The following AFF1 variants were observed in gnomAD, a reference collection of about 807,000 sequenced individuals.
AFF1 encodes AF4/FMR2 family member 1.
A neutral mutation model predicts 121.7 loss-of-function variants in AFF1; 48 were observed. That is an observed-to-expected ratio of 0.39 (90% CI 0.31 to 0.50). The LOEUF (loss-of-function observed/expected upper bound fraction) is 0.50. Among genes scored for constraint, AFF1 ranks in the 20% least tolerant of loss-of-function variants. AFF1 has a pLI of 0.76. For synonymous variants in AFF1, 613 were observed against 563.0 expected (o/e 1.09, Z -1.26); for missense variants, 1,523 against 1,511.7 (o/e 1.01, Z -0.12).
chr4:87,013,279 A>G (rs1319301210), intron 2 of AFF1, among the ~76,000 whole-genome samples: 1 of 151,820 alleles, frequency 6.6e-6, no homozygotes, highest in Non-Finnish European at 1.5e-5. Flanking sequence ...ACCTCAGGTG[A>G]TCCTCCCGCC....
intron 4 of AFF1, among the ~76,000 whole-genome samples, chr4:87,060,099 T>C (rs753289778): frequency 6.6e-6 from 1 of 152,234 alleles, no homozygotes; most frequent in Non-Finnish European, 1.5e-5. Flanking sequence ...CAATAATGTT[T>C]TTGAGAAATC....
At chr4:87,004,211 T>C (rs1436493915) in intron 2 of AFF1, among the ~76,000 whole-genome samples, 2 of 152,154 alleles carry the variant, frequency 1.3e-5, no homozygotes, top group Admixed American at 1.3e-4. Flanking sequence ...ATAGCTGTAA[T>C]ATATAACACC....
At chr4:87,054,039 G>A (rs1731516223) in intron 4 of AFF1, among the ~76,000 whole-genome samples, 1 of 152,226 alleles carries the variant, frequency 6.6e-6, no homozygotes. Flanking sequence ...GCCACACCAT[G>A]TGCAGAGACC....
At position 87,090,015 on chromosome 4, in the gene AFF1, C is replaced by T; in HGVS notation, c.1136C>T (p.Thr379Ile). Residue 379 changes from threonine (T) to isoleucine (I), a missense_variant, in exon 6 of 21, where the codon ACA (threonine) becomes ATA (isoleucine). By Grantham distance (89) the Thr-to-Ile change is moderately conservative. Coordinates refer to ENST00000395146, the MANE Select transcript of AFF1 (RefSeq NM_001166693.3). Reference protein sequence around the residue: ...EMTHSWPPPLTAIHTPSTAEP... With the variant: ...EMTHSWPPPLIAIHTPSTAEP... ...ACCCATTCATGGCCGCCTCCTTTGACAGCAATACATACGCCTAGTACAGCT... is the reference window on the plus strand; with the variant it reads ...ACCCATTCATGGCCGCCTCCTTTGATAGCAATACATACGCCTAGTACAGCT... 2 of 1,613,970 alleles carry T rather than the reference C, an allele frequency of 1.2e-6. No individual in the cohort carries two copies. Among genetic ancestry groups the T allele is most frequent in the Non-Finnish European group, 1.7e-6 (2 of 1,179,970 alleles).
chr4:86,971,152 A>G (rs1400988303), intron 2 of AFF1, among the ~76,000 whole-genome samples: 1 of 152,200 alleles, frequency 6.6e-6, no homozygotes, highest in African/African-American at 2.4e-5. Context: ...TTTCCCTCCC[A>G]TTTCACTAAT....
chr4:87,058,233 G>A (rs1044257200), intron 4 of AFF1, among the ~76,000 whole-genome samples: 12 of 152,068 alleles, frequency 7.9e-5, no homozygotes, highest in African/African-American at 2.4e-4. Flanking sequence ...TAGTTCCAGC[G>A]CTCCATCTGC....
chr4:86,940,412 G>C (rs758448033), intron 1 of AFF1, among the ~76,000 whole-genome samples: 1 of 152,150 alleles, frequency 6.6e-6, no homozygotes, highest in South Asian at 2.1e-4. Flanking sequence ...GGAATCCTGA[G>C]TTTTTATGAG....
At chr4:87,063,256 T>TTTTTTTTTGA (rs869168821) in intron 4 of AFF1, among the ~76,000 whole-genome samples, 6 of 134,618 alleles carry the variant, frequency 4.5e-5, no homozygotes, top group African/African-American at 1.4e-4. Context: ...TTTTTTTTTT[T>TTTTTTTTTGA]GAGACAGAGT....
At chr4:87,113,788 G>A (rs1057488317) in intron 11 of AFF1, among the ~76,000 whole-genome samples, 1 of 151,968 alleles carries the variant, frequency 6.6e-6, no homozygotes, top group Non-Finnish European at 1.5e-5. Context: ...ATCACTTGAG[G>A]CCAGGAGTTT....
At chr4:86,986,189 G>T (rs1319794406) in intron 2 of AFF1, among the ~76,000 whole-genome samples, 1 of 151,696 alleles carries the variant, frequency 6.6e-6, no homozygotes, top group Admixed American at 6.6e-5. Flanking sequence ...CTTGTGCCTC[G>T]ACCTCCCGAG....
chr4:86,955,461 T>A (rs1721669838), intron 2 of AFF1, among the ~76,000 whole-genome samples: 1 of 152,236 alleles, frequency 6.6e-6, no homozygotes, highest in Non-Finnish European at 1.5e-5. Context: ...CACTAACATG[T>A]TCCCCTTCTT....
chr4:87,075,261 T>G (rs1405585959), intron 4 of AFF1, among the ~76,000 whole-genome samples: 1 of 152,076 alleles, frequency 6.6e-6, no homozygotes, highest in Non-Finnish European at 1.5e-5. Context: ...CTTTAGTTGA[T>G]GAAAGATAAG....
intron 12 of AFF1, among the ~76,000 whole-genome samples, chr4:87,117,029 G>A (rs188579323): frequency 5.9e-5 from 9 of 152,238 alleles, no homozygotes; most frequent in Middle Eastern, 3.4e-3. Context: ...AGTGCTGACC[G>A]TCTGCATTAG....
chr4:87,022,577 T>TATAC lies in AFF1; in HGVS notation c.39-23586_39-23585insCATA, dbSNP rs1560547255. On this transcript the variant is annotated intron_variant, in intron 2 of 20. Coordinates refer to ENST00000395146, the MANE Select transcript of AFF1 (RefSeq NM_001166693.3). Reference sequence around the variant, plus strand: ...ATATATATATATATATATATATATATATATATCTATCTATATCTATCTGTG... The same window carrying TATAC: ...ATATATATATATATATATATATATATATACATATATCTATCTATATCTATCTGTG... Among the ~76,000 whole-genome samples the TATAC allele has an allele frequency of 1.5e-4, 13 of 88,556 alleles. 2 individuals carry two copies. Among genetic ancestry groups the TATAC allele is most frequent in the African/African-American group, 6.4e-4 (12 of 18,896 alleles). The allele number at this position is 88,556 out of a possible 152,430, so 58.1% of individuals were successfully genotyped here. A position where few individuals can be genotyped will look rare whatever the true frequency, so the allele number is the denominator to read the frequency against.
chr4:87,015,009 A>G (rs534319379), intron 2 of AFF1, among the ~76,000 whole-genome samples: 1 of 152,200 alleles, frequency 6.6e-6, no homozygotes, highest in Non-Finnish European at 1.5e-5. Flanking sequence ...AGCTTTGATA[A>G]AAGTTTGAGT....
At position 87,126,272 on chromosome 4, in the gene AFF1, ACT is replaced by A; in HGVS notation, c.2750_2751del (p.Ser917PhefsTer39). Reference sequence around the variant, plus strand: ...AGCAGTACCAAGAGCAACCACAAAGACTCTTCCATTCCCAAGCAGAGAAGAGT... The same window carrying A: ...AGCAGTACCAAGAGCAACCACAAAGACTTCCATTCCCAAGCAGAGAAGAGT... On this transcript the variant is annotated frameshift_variant, in exon 14 of 21. Transcript: ENST00000395146. LOFTEE classifies it high-confidence loss of function. 1.9e-6 allele frequency: 3 copies of A among 1,613,726 alleles called. No homozygotes were observed. The highest frequency in any genetic ancestry group is 1.7e-6 in the Non-Finnish European group (2 of 1,179,972).
At chr4:87,005,731 G>GCT (rs1050514621) in intron 2 of AFF1, among the ~76,000 whole-genome samples, 98 of 152,310 alleles carry the variant, frequency 6.4e-4, no homozygotes, top group African/African-American at 2.3e-3. Flanking sequence ...AAAGACCCAT[G>GCT]CTCAAGGGTC....
intron 7 of AFF1, 118 bp downstream of exon 7, chr4:87,091,947 A>C (rs1041254204): frequency 1.7e-5 from 12 of 710,676 alleles, no homozygotes; most frequent in Non-Finnish European, 2.8e-5. Context: ...ATGTTGAAAG[A>C]ATAGGAAAGG....
At chr4:87,124,964 C>T in intron 12 of AFF1, 73 bp from the exon 13 acceptor site, 2 of 1,320,052 alleles carry the variant, frequency 1.5e-6, no homozygotes. Context: ...TTTGCCTTTT[C>T]TATATTTTCT....
Sources: gnomAD v4.1 joint callset for allele counts (sites outside exome capture counted in the v4.1 genomes callset) on GRCh38, gnomAD v4.1.1 for gene constraint, MANE v1.5 for transcripts, NCBI Gene and HGNC (gene_info 2026-07-23, HGNC 2026-07-21) for gene names.